Variants in BRSK1 observed in about 807,000 individuals in gnomAD.
The protein encoded by BRSK1 is BR serine/threonine kinase 1.
BRSK1 carries 17 observed loss-of-function variants against 86.2 expected under a neutral mutation model. The ratio of observed to expected loss-of-function variants is 0.20; its 90% CI spans 0.14 to 0.30. BRSK1 has a LOEUF of 0.30. BRSK1 is among the 10% of genes least tolerant of loss of function. The pLI is 1.00. For synonymous variants in BRSK1, 464 were observed against 440.1 expected, an observed-to-expected ratio of 1.05 and a Z score of -0.68; for missense variants, 719 against 1,071.9, an observed-to-expected ratio of 0.67 and a Z score of 4.60.
rs2088628716 is a variant in BRSK1 at position 55,305,022 on chromosome 19, G to A, written c.1717+102G>A. On this transcript the variant is annotated intron_variant, in intron 14 of 18. Transcript: ENST00000309383. ...TGGCGTGTCTAGAGAGGAAGGGACT[G>A]GGGGCCTGGATTCCCACGTTCTAGA... The A allele has an allele frequency of 2.0e-6, 3 of 1,512,672 alleles. No homozygotes were observed. In the South Asian group the frequency reaches 3.7e-5, roughly 19 times the overall value. The allele number at this position is 1,512,672 out of a possible 1,614,324, so 93.7% of individuals were successfully genotyped here. A position where few individuals can be genotyped will look rare whatever the true frequency, so the allele number is the denominator to read the frequency against.
chr19:55,289,732 T>C, intron 4 of BRSK1, 112 bp downstream of exon 4: 1 of 1,369,374 alleles, frequency 7.3e-7, no homozygotes, highest in African/African-American at 1.5e-5. Context: ...CAAACCTTTA[T>C]CCCATTGAGA....
At chr19:55,285,981 C>G (rs952542418) in intron 1 of BRSK1, among the ~76,000 whole-genome samples, 1 of 136,558 alleles carries the variant, frequency 7.3e-6, no homozygotes, top group Non-Finnish European at 1.6e-5. Flanking sequence ...GCCTGGAGTG[C>G]TGGGTCTGAG....
Position 55,306,192 on chromosome 19 carries a change from T to C in BRSK1, c.1891-60T>C, listed in dbSNP as rs1039880099. On this transcript the variant is annotated intron_variant, in intron 16 of 18. Coordinates refer to ENST00000309383, the MANE Select transcript of BRSK1 (RefSeq NM_032430.2). This position sits in a 1 kb window ranked among gnomAD's most constrained non-coding sequence, Gnocchi z 4.7. The stretch of plus-strand genomic sequence containing the variant: ...CTCGTAGTTCCTTGGCCAGAGCTGG[T>C]CGTGGGGCTGGGTATCCATTTCCTG... 2 of 1,568,740 alleles carry C rather than the reference T, an allele frequency of 1.3e-6. No homozygotes were observed. The highest frequency in any genetic ancestry group is 2.7e-5 in the African/African-American group (2 of 74,018).
chr19:55,307,548 CAAA>C (rs11378640), intron 17 of BRSK1, among the ~76,000 whole-genome samples: 2 of 80,654 alleles, frequency 2.5e-5, no homozygotes, highest in African/African-American at 4.7e-5. Flanking sequence ...GACTCTGTCT[CAAA>C]AAAAAAAAAA....
chr19:55,287,931 T>A lies in BRSK1; in HGVS notation c.317+632T>A, dbSNP rs972894625. 1.9e-5 allele frequency: 3 copies of A among 155,776 alleles called. No homozygotes were observed. The highest frequency in any genetic ancestry group is 2.0e-4 in the South Asian group (1 of 5,112). The allele number at this position is 155,776 out of a possible 1,614,324, so 9.6% of individuals were successfully genotyped here. A position where few individuals can be genotyped will look rare whatever the true frequency, so the allele number is the denominator to read the frequency against. ...AGCCGGAGAGGGGACAGCCCTCGTG[T>A]TCCCCCCCGGCACCCAGTCCCCCGG... On this transcript the variant is annotated intron_variant, in intron 3 of 18. Coordinates refer to ENST00000309383, the MANE Select transcript of BRSK1 (RefSeq NM_032430.2). This position sits in a 1 kb window ranked among gnomAD's most constrained non-coding sequence, Gnocchi z 5.3.
chr19:55,289,135 T>C lies in BRSK1; in HGVS notation c.318-345T>C, dbSNP rs556573345. On this transcript the variant is annotated intron_variant, in intron 3 of 18. Coordinates refer to ENST00000309383, the MANE Select transcript of BRSK1 (RefSeq NM_032430.2). ...TTCAGGTGCTAATAGAGTCGCCTTATCTCCTGAAACCATTATGAGTCAAAG... is the reference window on the plus strand; with the variant it reads ...TTCAGGTGCTAATAGAGTCGCCTTACCTCCTGAAACCATTATGAGTCAAAG... Among the ~76,000 whole-genome samples, 37 of 152,212 alleles carry C rather than the reference T, an allele frequency of 2.4e-4. 1 individual carries two copies. The South Asian group carries it at 7.7e-3, about 32-fold the overall frequency.
chr19:55,303,469 C>A lies in BRSK1; in HGVS notation c.1126+61C>A. ...TCTCGAGATTGGAAGAGGCTGGCCA[C>A]GGGGACCCCAGATTCCCAAGGAAAG... On this transcript the variant is annotated intron_variant, in intron 11 of 18. Coordinates refer to ENST00000309383, the MANE Select transcript of BRSK1 (RefSeq NM_032430.2). The surrounding 1 kb of genome is among the most constrained non-coding windows in gnomAD (Gnocchi z 5.1). 6.4e-7 allele frequency: 1 copy of A among 1,558,240 alleles called. No individual in the cohort carries two copies. Among genetic ancestry groups the A allele is most frequent in the Non-Finnish European group, 8.8e-7 (1 of 1,130,794 alleles).
At position 55,312,166 on chromosome 19, in the gene BRSK1, G is replaced by T. The variant is rs553093033; in HGVS notation, c.*98G>T. 7.7e-3 allele frequency: 4,476 copies of T among 582,076 alleles called. 29 individuals carry two copies. Among genetic ancestry groups the T allele is most frequent in the Non-Finnish European group, 9.5e-3 (3,265 of 344,250 alleles). 36.1% of individuals were successfully genotyped at this position (582,076 alleles called of 1,614,324 possible). The stretch of plus-strand genomic sequence containing the variant: ...TAAGGCCCAAGGAACATGTCGGGAG[G>T]GGGGTGGACACAAAAACCGGCCTTG... On this transcript the variant is annotated 3_prime_UTR_variant, in exon 19 of 19. Transcript: ENST00000309383.
chr19:55,290,162 T>C (rs1436084912), intron 4 of BRSK1, among the ~76,000 whole-genome samples: 3 of 152,060 alleles, frequency 2.0e-5, no homozygotes, highest in Non-Finnish European at 2.9e-5. Context: ...ACCTGGCTAA[T>C]TTTGTATTTT....
At position 55,297,011 on chromosome 19, in the gene BRSK1, G is replaced by A. The variant is rs181131619; in HGVS notation, c.678+2614G>A. Among the ~76,000 whole-genome samples, 149 of 149,908 alleles carry A rather than the reference G, an allele frequency of 9.9e-4. No individual in the cohort carries two copies. In the Middle Eastern group the frequency reaches 0.014, roughly 14 times the overall value. ...AGCCTGGATGACAGAGTGACACCTC[G>A]TCTCAAAAATAAATAAATAAATAAG... On this transcript the variant is annotated intron_variant, in intron 7 of 18. Transcript: ENST00000309383.
chr19:55,287,277 G>A lies in BRSK1; in HGVS notation c.295G>A (p.Val99Ile). ...CCCACATGTCCTCAAGCTCCACGAC[G>A]TCTACGAGAACAAGAAATATTTGTA... The part of the protein sequence containing the change: ...EHPHVLKLHD[V>I]YENKKYLYLV... The change falls in exon 3 of 19, where the codon GTC becomes ATC. Residue 99 changes from valine (V) to isoleucine (I), a missense_variant. Val to Ile is a conservative substitution (Grantham distance 29, BLOSUM62 3). This residue lies in a region of BRSK1 where 75 missense variants were observed against 281.0 expected (regional missense o/e 0.27). Transcript: ENST00000309383. The surrounding 1 kb of genome is among the most constrained non-coding windows in gnomAD (Gnocchi z 5.3). 1.2e-6 allele frequency: 2 copies of A among 1,614,034 alleles called. No individual in the cohort carries two copies. Among genetic ancestry groups the A allele is most frequent in the Non-Finnish European group, 1.7e-6 (2 of 1,179,956 alleles).
rs2088276533 is a variant in BRSK1 at position 55,284,372 on chromosome 19, C to T, written c.-71C>T. ...CCGGGACGGAGCGGTCGCCGGCCCC[C>T]ACCGGAGAGACGGGGCGACGGCCGC... On this transcript the variant is annotated 5_prime_UTR_variant, in exon 1 of 19. Coordinates refer to ENST00000309383, the MANE Select transcript of BRSK1 (RefSeq NM_032430.2). 1.0e-6 allele frequency: 1 copy of T among 954,326 alleles called. No individual in the cohort carries two copies. The highest frequency in any genetic ancestry group is 1.3e-6 in the Non-Finnish European group (1 of 743,092). The allele number at this position is 954,326 out of a possible 1,614,324, so 59.1% of individuals were successfully genotyped here. A position where few individuals can be genotyped will look rare whatever the true frequency, so the allele number is the denominator to read the frequency against.
chr19:55,303,445 C>A lies in BRSK1; in HGVS notation c.1126+37C>A, dbSNP rs777715126. 5 of 1,598,002 alleles carry A rather than the reference C, an allele frequency of 3.1e-6. No homozygotes were observed. The Admixed American group carries it at 6.7e-5, about 21-fold the overall frequency. Reference sequence around the variant, plus strand: ...GGGCTAGGGGACCAGACACCTGGGTCTCGAGATTGGAAGAGGCTGGCCACG... The same window carrying A: ...GGGCTAGGGGACCAGACACCTGGGTATCGAGATTGGAAGAGGCTGGCCACG... On this transcript the variant is annotated intron_variant, in intron 11 of 18. Coordinates refer to ENST00000309383, the MANE Select transcript of BRSK1 (RefSeq NM_032430.2). This position sits in a 1 kb window ranked among gnomAD's most constrained non-coding sequence, Gnocchi z 5.1.
rs2088771586 is a variant in BRSK1 at position 55,310,813 on chromosome 19, A to G, written c.2180-1098A>G. On this transcript the variant is annotated intron_variant, in intron 18 of 18. Coordinates refer to ENST00000309383, the MANE Select transcript of BRSK1 (RefSeq NM_032430.2). This position sits in a 1 kb window ranked among gnomAD's most constrained non-coding sequence, Gnocchi z 5.0. ...CCCGTTGCCGAGGAAAGCTGGCCTC[A>G]GCAACCAGGGGTCTCAAAACGGGCA... Among the ~76,000 whole-genome samples, 1 of 152,158 alleles carries G rather than the reference A, an allele frequency of 6.6e-6. No individual in the cohort carries two copies.
intron 18 of BRSK1, among the ~76,000 whole-genome samples, chr19:55,309,844 G>A (rs563386966): frequency 3.3e-5 from 5 of 152,310 alleles, no homozygotes; most frequent in East Asian, 1.9e-4. Context: ...CCTGAGACAC[G>A]GGGTCACAGG....
chr19:55,291,371 C>CT (rs903515618), intron 4 of BRSK1, among the ~76,000 whole-genome samples: 4 of 151,968 alleles, frequency 2.6e-5, no homozygotes, highest in African/African-American at 9.7e-5. Flanking sequence ...AGATTCCCCC[C>CT]ATCTCTCCAA....
chr19:55,289,468 T>G lies in BRSK1; in HGVS notation c.318-12T>G. The G allele has an allele frequency of 6.2e-7, 1 of 1,609,722 alleles. No homozygotes were observed. Among genetic ancestry groups the G allele is most frequent in the African/African-American group, 1.3e-5 (1 of 74,716 alleles). The stretch of plus-strand genomic sequence containing the variant: ...GCCCCTTCCAGCCCTCTGCCCCCTC[T>G]ATATCCTTTAGGTACCTGGTTCTGG... On this transcript the variant is annotated splice_polypyrimidine_tract_variant and intron_variant, in intron 3 of 18. Coordinates refer to ENST00000309383, the MANE Select transcript of BRSK1 (RefSeq NM_032430.2).
chr19:55,297,041 A>G (rs962208851), intron 7 of BRSK1, among the ~76,000 whole-genome samples: 1 of 151,754 alleles, frequency 6.6e-6, no homozygotes, highest in Non-Finnish European at 1.5e-5. Context: ...AATAAGTAAT[A>G]AGTAGAAAAG....
In BRSK1 at chr19:55,312,265, G is replaced by A; in HGVS notation, c.*197G>A. ...TAGGGGAACAGGGGGCGGGGGAGCT[G>A]TTTCTATTTTATTTATTGATTAATT... On this transcript the variant is annotated 3_prime_UTR_variant, in exon 19 of 19. Coordinates refer to ENST00000309383, the MANE Select transcript of BRSK1 (RefSeq NM_032430.2). The A allele has an allele frequency of 3.6e-6, 1 of 280,748 alleles. No homozygotes were observed. Among genetic ancestry groups the A allele is most frequent in the Non-Finnish European group, 6.4e-6 (1 of 156,190 alleles). The allele number at this position is 280,748 out of a possible 1,614,324, so 17.4% of individuals were successfully genotyped here. A position where few individuals can be genotyped will look rare whatever the true frequency, so the allele number is the denominator to read the frequency against.
Sources: allele counts gnomAD v4.1 joint callset (sites outside exome capture counted in the v4.1 genomes callset), GRCh38; gene constraint gnomAD v4.1.1; regional missense constraint gnomAD v4.1.1; non-coding constraint Gnocchi (gnomAD v3.1); transcripts MANE v1.5; gene names NCBI Gene and HGNC (gene_info 2026-07-23, HGNC 2026-07-21).